The following LTBP2 variants were observed in gnomAD, a reference collection of about 807,000 sequenced individuals.
The protein encoded by LTBP2 is latent-transforming growth factor beta-binding protein 2.
LTBP2 carries 103 observed loss-of-function variants against 210.6 expected under a neutral mutation model. The observed-to-expected ratio is 0.49, with a 90% CI of 0.42 to 0.58. The LOEUF is 0.58. Among genes scored for constraint, LTBP2 ranks in the 20% least tolerant of loss-of-function variants. The probability of loss-of-function intolerance (pLI) is 0.00; values close to 1 mark genes in which losing one functional copy is unlikely to be tolerated. For synonymous variants in LTBP2, 1,007 were observed against 1,015.0 expected (o/e 0.99, Z 0.15); for missense variants, 2,313 against 2,494.5 (o/e 0.93, Z 1.55).
chr14:74,584,524 G>A (rs1174496885), intron 3 of LTBP2, among the ~76,000 whole-genome samples: 1 of 152,130 alleles, frequency 6.6e-6, no homozygotes, highest in East Asian at 1.9e-4. Flanking sequence ...CCCTCAGCCA[G>A]GACCGATCAG....
At chr14:74,511,766 G>A (rs2087074954) in intron 18 of LTBP2, among the ~76,000 whole-genome samples, 1 of 152,212 alleles carries the variant, frequency 6.6e-6, no homozygotes, top group South Asian at 2.1e-4. Context: ...GATTGCCAGA[G>A]GCTCCACAAT....
chr14:74,542,550 T>C (rs1208196464), intron 8 of LTBP2, among the ~76,000 whole-genome samples: 2 of 152,172 alleles, frequency 1.3e-5, no homozygotes, highest in Non-Finnish European at 1.5e-5. Context: ...GACAGACACA[T>C]ACATGCCTGG....
At chr14:74,578,698 C>T (rs1216729604) in intron 3 of LTBP2, among the ~76,000 whole-genome samples, 1 of 152,186 alleles carries the variant, frequency 6.6e-6, no homozygotes, top group African/African-American at 2.4e-5. Flanking sequence ...CAGACCTGTC[C>T]ACAACAGCCC....
In LTBP2 at chr14:74,549,925, C is replaced by A. The variant is rs1189133933; in HGVS notation, c.1727G>T (p.Cys576Phe). 1.2e-6 allele frequency: 2 copies of A among 1,614,162 alleles called. No homozygotes were observed. The highest frequency in any genetic ancestry group is 2.7e-5 in the African/African-American group (2 of 75,042). The stretch of plus-strand genomic sequence containing the variant: ...CCAGAAGGCTCCCACACTGCCACAG[C>A]AGTCCTCCTGGGTAGTCAGCTCCAG... The part of the protein sequence containing the change: ...PLLELTTQED[C>F]CGSVGAFWGV... Residue 576 changes from cysteine to phenylalanine, a missense_variant, in exon 8 of 36, where the codon TGC (cysteine) becomes TTC (phenylalanine). Cys to Phe is a radical substitution (Grantham distance 205). Transcript: ENST00000261978.
chr14:74,511,883 A>T (rs1005153), intron 18 of LTBP2, among the ~76,000 whole-genome samples: 96,912 of 152,102 alleles, frequency 0.64, 31,010 homozygotes, highest in East Asian at 0.75. Context: ...GCTCTGAGGC[A>T]GAGTGCAGAC....
At chr14:74,575,813 A>G (rs1408383280) in intron 3 of LTBP2, among the ~76,000 whole-genome samples, 1 of 152,224 alleles carries the variant, frequency 6.6e-6, no homozygotes, top group Non-Finnish European at 1.5e-5. Flanking sequence ...AAAAAGCATG[A>G]GCAGGGCTTC....
chr14:74,501,745 G>A (rs1343660913), intron 34 of LTBP2, 155 bp from the exon 35 acceptor site: 4 of 881,304 alleles, frequency 4.5e-6, no homozygotes, highest in Admixed American at 4.9e-5. Context: ...AAAGATGCTA[G>A]AACAAAAGGC....
Position 74,551,045 on chromosome 14 carries a change from G to A in LTBP2, c.1686+19C>T. 6.2e-7 allele frequency: 1 copy of A among 1,613,460 alleles called. No individual in the cohort carries two copies. The highest frequency in any genetic ancestry group is 8.5e-7 in the Non-Finnish European group (1 of 1,180,004). The stretch of plus-strand genomic sequence containing the variant: ...CATCCTGGAAGCATCCAGGGCTGAG[G>A]CCAGAGCTGTGTTCTCACCTGTCCG... On this transcript the variant is annotated intron_variant, in intron 7 of 35. Transcript: ENST00000261978.
At chr14:74,531,752 C>T (rs1361466846) in intron 10 of LTBP2, among the ~76,000 whole-genome samples, 1 of 152,234 alleles carries the variant, frequency 6.6e-6, no homozygotes, top group African/African-American at 2.4e-5. Flanking sequence ...TTATTCAGCT[C>T]TGGTCAGGCC....
At chr14:74,554,455 T>C (rs1046270288) in intron 4 of LTBP2, among the ~76,000 whole-genome samples, 7 of 151,952 alleles carry the variant, frequency 4.6e-5, no homozygotes, top group African/African-American at 1.7e-4. Flanking sequence ...GTTGTTATCA[T>C]GCCACCACAC....
chr14:74,592,854 G>C lies in LTBP2; in HGVS notation c.566-6736C>G, dbSNP rs542813004. Among the ~76,000 whole-genome samples the C allele has an allele frequency of 9.9e-5, 15 of 152,160 alleles. No homozygotes were observed. In the East Asian group the frequency reaches 2.7e-3, roughly 27 times the overall value. ...CCCCAGCCCCTGGGACAGTACCCTC[G>C]GACAACCGGAAGACTACACTGTGAC... On this transcript the variant is annotated intron_variant, in intron 2 of 35. Coordinates refer to ENST00000261978, the MANE Select transcript of LTBP2 (RefSeq NM_000428.3).
At chr14:74,503,651 C>T in intron 31 of LTBP2, 45 bp from the exon 32 acceptor site, 2 of 1,608,998 alleles carry the variant, frequency 1.2e-6, no homozygotes, top group Non-Finnish European at 1.7e-6. Context: ...GTGGCCTTTC[C>T]ACCAACCACC....
In LTBP2 at chr14:74,612,104, G is replaced by A. The variant is rs936924973; in HGVS notation, c.-160C>T. On this transcript the variant is annotated 5_prime_UTR_variant, in exon 1 of 36. Transcript: ENST00000261978. ...GCCGACTGGGGGCCCGGCTCTCGGC[G>A]GAACGAGGGCTGCGCGCCCCGAGCC... The A allele has an allele frequency of 4.1e-6, 3 of 734,450 alleles. No individual in the cohort carries two copies. Among genetic ancestry groups the A allele is most frequent in the East Asian group, 6.5e-5 (2 of 30,744 alleles). The allele number at this position is 734,450 out of a possible 1,614,324, so 45.5% of individuals were successfully genotyped here. A position where few individuals can be genotyped will look rare whatever the true frequency, so the allele number is the denominator to read the frequency against.
At chr14:74,599,267 G>A (rs917722987) in intron 2 of LTBP2, among the ~76,000 whole-genome samples, 10 of 152,212 alleles carry the variant, frequency 6.6e-5, no homozygotes, top group African/African-American at 2.4e-4. Context: ...TTGCTGCTGG[G>A]GGCAGGAGTG....
At chr14:74,585,432 G>A (rs368404455) in intron 3 of LTBP2, among the ~76,000 whole-genome samples, 1 of 152,132 alleles carries the variant, frequency 6.6e-6, no homozygotes, top group African/African-American at 2.4e-5. Flanking sequence ...TAATCTTTAC[G>A]ACAATTCATA....
intron 3 of LTBP2, among the ~76,000 whole-genome samples, chr14:74,564,263 T>TTA (rs59269749): frequency 3.2e-4 from 5 of 15,754 alleles, no homozygotes; most frequent in Admixed American, 1.3e-3. Flanking sequence ...TTATATATAT[T>TTA]TATATATATT....
At chr14:74,611,367 C>A in intron 1 of LTBP2, 84 bp downstream of exon 1, 1 of 1,359,954 alleles carries the variant, frequency 7.4e-7, no homozygotes, top group Non-Finnish European at 9.6e-7. Flanking sequence ...GAGAGCGGCG[C>A]CCTCTCCTCT....
At chr14:74,605,273 T>G (rs970237487) in intron 1 of LTBP2, among the ~76,000 whole-genome samples, 3 of 152,238 alleles carry the variant, frequency 2.0e-5, no homozygotes, top group Admixed American at 2.0e-4. Flanking sequence ...AATAAATTCC[T>G]GCAGCTTGAA....
chr14:74,516,824 T>A lies in LTBP2; in HGVS notation c.2906A>T (p.Gln969Leu). The A allele has an allele frequency of 6.4e-7, 1 of 1,551,808 alleles. No individual in the cohort carries two copies. Among genetic ancestry groups the A allele is most frequent in the Non-Finnish European group, 8.7e-7 (1 of 1,147,032 alleles). ...GYIMVRKGHCQDINECRHPGT... is the reference protein window; with the variant it reads ...GYIMVRKGHCLDINECRHPGT... ...CTTCCCTCCTTCCCGTTCCTTACCT[T>A]GGCAGTGTCCTTTCCTGACCATGAT... The change falls in exon 18 of 36, where the codon CAA becomes CTA. Residue 969 changes from glutamine (Q) to leucine (L), a missense_variant and splice_region_variant. Physicochemically the swap from Gln to Leu is moderately radical, Grantham distance 113 (BLOSUM62 -2). Transcript: ENST00000261978.
Sources: allele counts gnomAD v4.1 joint callset (sites outside exome capture counted in the v4.1 genomes callset), GRCh38; gene constraint gnomAD v4.1.1; transcripts MANE v1.5; gene names NCBI Gene and HGNC (gene_info 2026-07-23, HGNC 2026-07-21).